The following NAALADL2 variants were observed in gnomAD, a reference collection of about 807,000 sequenced individuals.
NAALADL2 encodes the protein inactive N-acetylated-alpha-linked acidic dipeptidase-like protein 2.
In NAALADL2, 76 loss-of-function variants were observed where a neutral mutation model predicts 87.2. The observed-to-expected ratio is 0.87, with a 90% CI of 0.72 to 1.05. NAALADL2 has a LOEUF of 1.05. Ranked by LOEUF, NAALADL2 falls within the 50% of genes least tolerant of loss-of-function variation. The pLI is 0.00. For synonymous variants in NAALADL2, 354 were observed against 331.0 expected (o/e 1.07, Z -0.75); for missense variants, 1,089 against 945.8 (o/e 1.15, Z -1.99).
At chr3:175,031,838 C>T (rs561967460) in intron 1 of NAALADL2, among the ~76,000 whole-genome samples, 5 of 151,702 alleles carry the variant, frequency 3.3e-5, no homozygotes, top group South Asian at 2.1e-4. Context: ...TATCTCATTG[C>T]GGTTTTGATT....
chr3:175,204,576 T>C (rs1740543099), intron 2 of NAALADL2, among the ~76,000 whole-genome samples: 1 of 152,116 alleles, frequency 6.6e-6, no homozygotes, highest in African/African-American at 2.4e-5. Flanking sequence ...CTCTTCAACA[T>C]AGAACTGGAC....
At chr3:175,730,427 T>TATATATATAG (rs1743561551) in intron 11 of NAALADL2, among the ~76,000 whole-genome samples, 1 of 91,126 alleles carries the variant, frequency 1.1e-5, no homozygotes, top group Non-Finnish European at 2.4e-5. Context: ...TATATATATA[T>TATATATATAG]ATATATATAT....
chr3:174,576,748 A>G (rs1447186566), intron 2 of NAALADL2, among the ~76,000 whole-genome samples: 2 of 152,308 alleles, frequency 1.3e-5, no homozygotes, highest in East Asian at 3.9e-4. Flanking sequence ...CATGTAATAC[A>G]CTGAAGTAAG....
chr3:175,019,823 A>G (rs1161497319), intron 1 of NAALADL2, among the ~76,000 whole-genome samples: 2 of 152,090 alleles, frequency 1.3e-5, no homozygotes, highest in African/African-American at 2.4e-5. Context: ...TCTCTTATGC[A>G]AATTATTTAG....
At chr3:175,295,603 C>A (rs1756217715) in intron 4 of NAALADL2, among the ~76,000 whole-genome samples, 1 of 152,028 alleles carries the variant, frequency 6.6e-6, no homozygotes, top group East Asian at 1.9e-4. Context: ...CTTTCCCTGG[C>A]TCTAGTCTTC....
intron 5 of NAALADL2, among the ~76,000 whole-genome samples, chr3:175,366,466 G>T (rs1248384374): frequency 2.0e-5 from 3 of 151,408 alleles, no homozygotes; most frequent in Non-Finnish European, 4.4e-5. Context: ...CTAGTTTACA[G>T]TCCCACCAAC....
intron 1 of NAALADL2, among the ~76,000 whole-genome samples, chr3:175,038,651 T>C (rs1217209191): frequency 6.6e-6 from 1 of 152,180 alleles, no homozygotes; most frequent in Admixed American, 6.5e-5. Flanking sequence ...CAACAATGCG[T>C]AACTTGAAGT....
chr3:175,196,184 A>G (rs894220161), intron 2 of NAALADL2, among the ~76,000 whole-genome samples: 1 of 151,876 alleles, frequency 6.6e-6, no homozygotes. Flanking sequence ...GCTGGTGTTT[A>G]TCTTTTCCTT....
chr3:175,252,323 T>C (rs951455054), intron 3 of NAALADL2, among the ~76,000 whole-genome samples: 1 of 152,204 alleles, frequency 6.6e-6, no homozygotes, highest in African/African-American at 2.4e-5. Flanking sequence ...ATTATGGTTA[T>C]ATGTGTTAGG....
intron 4 of NAALADL2, among the ~76,000 whole-genome samples, chr3:175,306,948 C>T (rs1447125182): frequency 6.6e-6 from 1 of 152,210 alleles, no homozygotes; most frequent in Non-Finnish European, 1.5e-5. Context: ...CTACAGATTT[C>T]TCAGACTTGT....
chr3:175,050,773 T>C (rs1259216170), intron 1 of NAALADL2, among the ~76,000 whole-genome samples: 3 of 152,176 alleles, frequency 2.0e-5, no homozygotes, highest in Non-Finnish European at 4.4e-5. Context: ...ACCATTATAT[T>C]TTATTATGAC....
At chr3:175,750,023 C>T (rs992014714) in intron 12 of NAALADL2, among the ~76,000 whole-genome samples, 1 of 152,118 alleles carries the variant, frequency 6.6e-6, no homozygotes, top group Non-Finnish European at 1.5e-5. Flanking sequence ...TGTTAAGTTC[C>T]TTACATTTGT....
chr3:174,736,773 G>A (rs753635917), intron 2 of NAALADL2, among the ~76,000 whole-genome samples: 20 of 152,220 alleles, frequency 1.3e-4, no homozygotes, highest in East Asian at 3.9e-4. Flanking sequence ...CCGGGGAGCC[G>A]TCTCTTTCCA....
intron 2 of NAALADL2, among the ~76,000 whole-genome samples, chr3:175,151,857 T>A (rs1215532835): frequency 6.6e-6 from 1 of 152,222 alleles, no homozygotes; most frequent in Non-Finnish European, 1.5e-5. Flanking sequence ...TGCTAACATT[T>A]ATTTGAGTGC....
At chr3:174,849,369 GT>G (rs1724984085) in intron 3 of NAALADL2, among the ~76,000 whole-genome samples, 1 of 151,980 alleles carries the variant, frequency 6.6e-6, no homozygotes, top group Non-Finnish European at 1.5e-5. Flanking sequence ...AATATTTCCT[GT>G]TTGTATATTC....
At chr3:175,222,641 G>A (rs1400715662) in intron 2 of NAALADL2, among the ~76,000 whole-genome samples, 1 of 151,928 alleles carries the variant, frequency 6.6e-6, no homozygotes, top group East Asian at 1.9e-4. Context: ...TCAACATTTT[G>A]GCCTCAGGAC....
intron 9 of NAALADL2, among the ~76,000 whole-genome samples, chr3:175,559,883 G>A (rs539408752): frequency 9.2e-5 from 14 of 152,214 alleles, no homozygotes; most frequent in African/African-American, 3.1e-4. Flanking sequence ...AGTAATACTG[G>A]CTTATAGTTT....
At chr3:175,230,094 G>A (rs902464783) in intron 2 of NAALADL2, among the ~76,000 whole-genome samples, 1 of 151,764 alleles carries the variant, frequency 6.6e-6, no homozygotes, top group Admixed American at 6.6e-5. Flanking sequence ...TTTGACAAGG[G>A]GTACTAGGAC....
At chr3:175,290,758 TGAA>T (rs1203994296) in intron 4 of NAALADL2, among the ~76,000 whole-genome samples, 2 of 152,156 alleles carry the variant, frequency 1.3e-5, no homozygotes, top group African/African-American at 2.4e-5. Context: ...AAATATGAAA[TGAA>T]GTATTGCAAA....
Sources: gnomAD v4.1 joint callset for allele counts (sites outside exome capture counted in the v4.1 genomes callset) on GRCh38, gnomAD v4.1.1 for gene constraint, MANE v1.5 for transcripts, NCBI Gene and HGNC (gene_info 2026-07-23, HGNC 2026-07-21) for gene names.